The following FGD3 variants were observed in gnomAD, a reference collection of about 807,000 sequenced individuals.
FGD3 encodes the protein FYVE, RhoGEF and PH domain containing 3, also known as FYVE, RhoGEF and PH domain-containing protein 3.
Under a neutral mutation model 71.8 loss-of-function variants are expected in FGD3, and 45 were observed. The ratio of observed to expected loss-of-function variants is 0.63; its 90% confidence interval spans 0.49 to 0.80. The LOEUF is 0.80. FGD3 is among the 30% of genes least tolerant of loss of function. The pLI, the probability that FGD3 is intolerant of heterozygous loss-of-function variation, is 0.00. For synonymous variants in FGD3, 378 were observed against 392.8 expected (o/e 0.96, Z 0.44); for missense variants, 844 against 951.5 (o/e 0.89, Z 1.49).
intron 6 of FGD3, among the ~76,000 whole-genome samples, chr9:93,008,406 T>C (rs531610855): frequency 6.6e-6 from 1 of 152,314 alleles, no homozygotes; most frequent in Non-Finnish European, 1.5e-5. Flanking sequence ...CTCATTATTG[T>C]ATTTGTCCTC....
chr9:93,023,588 A>G (rs61213617), intron 14 of FGD3, among the ~76,000 whole-genome samples: 59,868 of 151,492 alleles, frequency 0.4, 13,119 homozygotes, highest in African/African-American at 0.59. Context: ...CTAGGAGAGA[A>G]TCTCCTCTCA....
intron 14 of FGD3, among the ~76,000 whole-genome samples, chr9:93,028,218 GCACACACA>G (rs547210870): frequency 3.5e-5 from 5 of 141,052 alleles, no homozygotes; most frequent in Non-Finnish European, 7.7e-5. Context: ...ACACACACAC[GCACACACA>G]CACACACACA....
Position 92,976,379 on chromosome 9 carries a change from C to A in FGD3, c.123C>A (p.Ala41=), listed in dbSNP as rs759126598. 1 of 1,610,764 alleles carries A rather than the reference C, an allele frequency of 6.2e-7. No homozygotes were observed. The highest frequency in any genetic ancestry group is 8.5e-7 in the Non-Finnish European group (1 of 1,179,038). ...AGGCGCTCCCTGTTGGGCCCAGAGC[C>A]CACTGTGGGGACCCTGTCAGCCTGG... ...KLQALPVGPR[A]HCGDPVSLAA... Residue 41 remains alanine (A), a synonymous_variant, in exon 3 of 18, where the codon GCC becomes GCA. Coordinates refer to ENST00000375482, the MANE Select transcript of FGD3 (RefSeq NM_001083536.2).
At chr9:92,999,881 C>A (rs1860797197) in intron 3 of FGD3, among the ~76,000 whole-genome samples, 2 of 152,066 alleles carry the variant, frequency 1.3e-5, no homozygotes, top group Non-Finnish European at 2.9e-5. Flanking sequence ...TGTGAGCCAC[C>A]ACGCCTGGCT....
At position 93,036,167 on chromosome 9, in the gene FGD3, T is replaced by C. The variant is rs933641253; in HGVS notation, c.*578T>C. The C allele has an allele frequency of 6.6e-6, 1 of 152,628 alleles. No individual in the cohort carries two copies. 9.5% of individuals were successfully genotyped at this position (152,628 alleles called of 1,614,324 possible). ...CCACTGAGTGGCAGGCGCATGAGAT[T>C]TGTGGCTGTTCCTGATGCTAGTGGC... is the stretch of plus-strand genomic sequence containing the variant. On this transcript the variant is annotated 3_prime_UTR_variant, in exon 18 of 18. Coordinates refer to ENST00000375482, the MANE Select transcript of FGD3 (RefSeq NM_001083536.2).
chr9:93,004,029 G>A lies in FGD3; in HGVS notation c.572G>A (p.Gly191Glu), dbSNP rs773396820. The A allele has an allele frequency of 2.5e-6, 4 of 1,614,134 alleles. No individual in the cohort carries two copies. Among genetic ancestry groups the A allele is most frequent in the Non-Finnish European group, 3.4e-6 (4 of 1,180,024 alleles). ...TTCTGCACCAGGCTGACGGATGCGG[G>A]GATCCCTCCAGAAGTCATCATGGGC... ...QVFCTRLTDA[G>E]IPPEVIMGIF... The change falls in exon 5 of 18, where the codon GGG becomes GAG. Residue 191 changes from glycine (G) to glutamate (E), a missense_variant. Physicochemically the swap from Gly to Glu is moderately conservative, Grantham distance 98. Transcript: ENST00000375482.
chr9:93,020,474 T>C, intron 13 of FGD3, 50 bp downstream of exon 13: 1 of 1,524,596 alleles, frequency 6.6e-7, no homozygotes, highest in South Asian at 1.2e-5. Context: ...ACGGGCTACC[T>C]GTGGAGAGCA....
chr9:93,005,930 C>T lies in FGD3; in HGVS notation c.681-94C>T, dbSNP rs545413889. On this transcript the variant is annotated intron_variant, in intron 5 of 17. Coordinates refer to ENST00000375482, the MANE Select transcript of FGD3 (RefSeq NM_001083536.2). ...GCTCACCATCACACAGAGCTGGCCT[C>T]CACCCCACACCCCCCTGGTGGAGTT... The T allele has an allele frequency of 1.3e-5, 18 of 1,436,184 alleles. No individual in the cohort carries two copies. In the South Asian group the frequency reaches 2.4e-4, roughly 19 times the overall value. The allele number at this position is 1,436,184 out of a possible 1,614,324, so 89.0% of individuals were successfully genotyped here. A position where few individuals can be genotyped will look rare whatever the true frequency, so the allele number is the denominator to read the frequency against.
chr9:93,000,932 C>T lies in FGD3; in HGVS notation c.454-1993C>T, dbSNP rs577835259. On this transcript the variant is annotated intron_variant, in intron 3 of 17. Transcript: ENST00000375482. ...ACTTACAAGTGCATATATTGATCTA[C>T]TTGATAGTGGCCCATACATCCCTTA... 5.3e-5 allele frequency among the ~76,000 whole-genome samples: 8 copies of T among 152,200 alleles called. No homozygotes were observed. In the East Asian group the frequency reaches 1.2e-3, roughly 22 times the overall value.
rs560780676 is a variant in FGD3 at position 93,007,832 on chromosome 9, G to A, written c.837+1652G>A. 1.5e-3 allele frequency among the ~76,000 whole-genome samples: 223 copies of A among 152,296 alleles called. 2 individuals carry two copies. Among genetic ancestry groups the A allele is most frequent in the Non-Finnish European group, 1.7e-3 (117 of 68,032 alleles). ...CCCAGGCCATATCTTCACACATTGG[G>A]TGCACCCAGCATCTGGTGGGTGGGG... On this transcript the variant is annotated intron_variant, in intron 6 of 17. Transcript: ENST00000375482.
intron 1 of FGD3, among the ~76,000 whole-genome samples, chr9:92,968,960 T>C (rs978523943): frequency 2.0e-5 from 3 of 152,170 alleles, no homozygotes; most frequent in Non-Finnish European, 4.4e-5. Context: ...ATGGCCAGGG[T>C]GCCCTGGGCC....
chr9:93,029,497 G>A (rs79596564), intron 14 of FGD3, among the ~76,000 whole-genome samples: 71 of 152,300 alleles, frequency 4.7e-4, no homozygotes, highest in Middle Eastern at 3.4e-3. Flanking sequence ...GGATGCCCCC[G>A]TCCCCAGGGC....
intron 1 of FGD3, among the ~76,000 whole-genome samples, chr9:92,961,683 C>CTACA (rs1859169983): frequency 6.6e-6 from 1 of 152,178 alleles, no homozygotes; most frequent in East Asian, 1.9e-4. Context: ...TCTCATGAGG[C>CTACA]TACAGATGGT....
chr9:92,963,415 T>G (rs1280646613), intron 1 of FGD3, among the ~76,000 whole-genome samples: 1 of 152,194 alleles, frequency 6.6e-6, no homozygotes, highest in Non-Finnish European at 1.5e-5. Context: ...TCCTCCCACC[T>G]CAGCCTCCTT....
intron 3 of FGD3, among the ~76,000 whole-genome samples, chr9:92,989,387 A>G (rs1482400165): frequency 6.6e-6 from 1 of 152,120 alleles, no homozygotes; most frequent in South Asian, 2.1e-4. Flanking sequence ...TGGCCTCCCA[A>G]AGTGATGGAA....
At chr9:93,004,238 G>C (rs2118701468) in intron 5 of FGD3, 101 bp downstream of exon 5, 3 of 1,471,986 alleles carry the variant, frequency 2.0e-6, no homozygotes, top group Non-Finnish European at 2.8e-6. Flanking sequence ...CTGTCTCATG[G>C]TGGCTGGGCG....
intron 14 of FGD3, among the ~76,000 whole-genome samples, chr9:93,024,368 G>A (rs1258757218): frequency 6.6e-6 from 1 of 152,192 alleles, no homozygotes; most frequent in Non-Finnish European, 1.5e-5. Flanking sequence ...CCACAGCCAG[G>A]GCAGACATCC....
At chr9:93,002,887 C>T (rs753966949) in intron 3 of FGD3, 38 bp from the exon 4 acceptor site, 2 of 1,604,280 alleles carry the variant, frequency 1.2e-6, no homozygotes, top group Admixed American at 1.7e-5. Flanking sequence ...CCCCAAGGCT[C>T]ATCTTCCCCA....
At chr9:93,006,269 T>C in intron 6 of FGD3, 89 bp downstream of exon 6, 1 of 1,265,048 alleles carries the variant, frequency 7.9e-7, no homozygotes, top group African/African-American at 1.5e-5. Flanking sequence ...TGTATATATG[T>C]ATATTTTACT....
Sources: gnomAD v4.1 joint callset for allele counts (sites outside exome capture counted in the v4.1 genomes callset) on GRCh38, gnomAD v4.1.1 for gene constraint, MANE v1.5 for transcripts, NCBI Gene and HGNC (gene_info 2026-07-23, HGNC 2026-07-21) for gene names.